KATNIP: variants seen among roughly 807,000 people sequenced by gnomAD.
KATNIP encodes the protein katanin interacting protein.
In KATNIP, 126 loss-of-function variants were observed where a neutral mutation model predicts 174.0. That is an observed-to-expected ratio of 0.72 (90% CI 0.63 to 0.84). The LOEUF (loss-of-function observed/expected upper bound fraction) is 0.84, where lower values mean the gene tolerates loss of function less well. KATNIP is among the 40% of genes least tolerant of loss of function. KATNIP has a pLI of 0.00. For synonymous variants in KATNIP, 810 were observed against 835.7 expected (o/e 0.97, Z 0.53); for missense variants, 1,958 against 2,109.7 (o/e 0.93, Z 1.41).
chr16:27,608,799 G>A (rs569977516), intron 2 of KATNIP, among the ~76,000 whole-genome samples: 4 of 152,242 alleles, frequency 2.6e-5, no homozygotes, highest in East Asian at 1.9e-4. Flanking sequence ...CTCTGCTTTC[G>A]TGTCACATCC....
Position 27,749,986 on chromosome 16 carries a change from C to T in KATNIP, c.3026C>T (p.Ser1009Leu), listed in dbSNP as rs2081438524. The T allele has an allele frequency of 6.2e-7, 1 of 1,614,080 alleles. No homozygotes were observed. The highest frequency in any genetic ancestry group is 1.7e-5 in the Admixed American group (1 of 60,008). Reference protein sequence around the residue: ...FSSKGEPVQISNIKADPPDIN... With the variant: ...FSSKGEPVQILNIKADPPDIN... ...TCCAAGGGTGAACCGGTGCAGATTTCAAACATAAAAGCAGACCCTCCCGAT... is the reference window on the plus strand; with the variant it reads ...TCCAAGGGTGAACCGGTGCAGATTTTAAACATAAAAGCAGACCCTCCCGAT... The change falls in exon 16 of 28, where the codon TCA becomes TTA. Residue 1009 changes from serine (S) to leucine (L), a missense_variant. By Grantham distance (145) the Ser-to-Leu change is moderately radical. Around this residue, in one of 3 missense-constraint regions of KATNIP, gnomAD observed 1,557 missense variants for 1,617.8 expected, o/e 0.96. Coordinates refer to ENST00000261588, the MANE Select transcript of KATNIP (RefSeq NM_015202.5).
chr16:27,701,625 C>T lies in KATNIP; in HGVS notation c.1216C>T (p.Pro406Ser). ...PITTATTTQE[P>S]AGAAGGARAI... ...CACCACGGCGACTACTACTCAGGAGCCGGCCGGGGCAGCAGGAGGAGCCAG... is the reference window on the plus strand; with the variant it reads ...CACCACGGCGACTACTACTCAGGAGTCGGCCGGGGCAGCAGGAGGAGCCAG... Residue 406 changes from proline (P) to serine (S), a missense_variant, in exon 11 of 28, where the codon CCG (proline) becomes TCG (serine). Pro to Ser is a moderately conservative substitution (Grantham distance 74). Transcript: ENST00000261588. 1.2e-6 allele frequency: 2 copies of T among 1,605,542 alleles called. No homozygotes were observed. The highest frequency in any genetic ancestry group is 8.5e-7 in the Non-Finnish European group (1 of 1,176,578).
chr16:27,551,900 A>T (rs1196637336), intron 1 of KATNIP, among the ~76,000 whole-genome samples: 1 of 152,132 alleles, frequency 6.6e-6, no homozygotes, highest in South Asian at 2.1e-4. Flanking sequence ...GCAGTGGCTC[A>T]TAATAATCAT....
At chr16:27,592,933 G>A (rs575679997) in intron 2 of KATNIP, among the ~76,000 whole-genome samples, 1 of 152,274 alleles carries the variant, frequency 6.6e-6, no homozygotes, top group African/African-American at 2.4e-5. Flanking sequence ...AATAAACTTA[G>A]TCTAGTTTAG....
chr16:27,581,662 G>A (rs1032610852), intron 2 of KATNIP, among the ~76,000 whole-genome samples: 8 of 152,170 alleles, frequency 5.3e-5, no homozygotes, highest in Admixed American at 1.3e-4. Context: ...GTTTAGTGGT[G>A]ATGTGTGAGA....
intron 3 of KATNIP, among the ~76,000 whole-genome samples, chr16:27,620,132 G>A (rs538333659): frequency 6.6e-6 from 1 of 152,194 alleles, no homozygotes; most frequent in Non-Finnish European, 1.5e-5. Context: ...AATTTCCAGA[G>A]ACAAGGTTAT....
chr16:27,554,503 T>C, intron 1 of KATNIP, among the ~76,000 whole-genome samples: 1 of 152,102 alleles, frequency 6.6e-6, no homozygotes, highest in East Asian at 1.9e-4. Flanking sequence ...CTCTTCAAAT[T>C]ATGATTAAAA....
intron 8 of KATNIP, 145 bp from the exon 9 acceptor site, chr16:27,698,183 T>G: frequency 8.1e-6 from 7 of 862,170 alleles, no homozygotes; most frequent in East Asian, 2.6e-5. Flanking sequence ...CTGGAACCGT[T>G]TTCTTTGTCT....
intron 3 of KATNIP, among the ~76,000 whole-genome samples, chr16:27,620,527 A>T (rs192677265): frequency 6.6e-6 from 1 of 152,242 alleles, no homozygotes; most frequent in East Asian, 1.9e-4. Flanking sequence ...GTTTTGCTTG[A>T]TGTTGTCATA....
chr16:27,573,357 A>G (rs942871703), intron 1 of KATNIP, among the ~76,000 whole-genome samples: 1 of 152,230 alleles, frequency 6.6e-6, no homozygotes, highest in African/African-American at 2.4e-5. Context: ...ATTTATGCAC[A>G]CCTTCAAATG....
chr16:27,776,836 C>A lies in KATNIP; in HGVS notation c.4450-92C>A. The A allele has an allele frequency of 1.1e-6, 1 of 885,924 alleles. No individual in the cohort carries two copies. The highest frequency in any genetic ancestry group is 1.9e-6 in the Non-Finnish European group (1 of 536,180). The allele number at this position is 885,924 out of a possible 1,614,324, so 54.9% of individuals were successfully genotyped here. A position where few individuals can be genotyped will look rare whatever the true frequency, so the allele number is the denominator to read the frequency against. On this transcript the variant is annotated intron_variant, in intron 24 of 27. Transcript: ENST00000261588. This position sits in a 1 kb window ranked among gnomAD's most constrained non-coding sequence, Gnocchi z 4.7. ...TGGCAGGCGCTGCCTTGGGCACCAC[C>A]GCTCACCCCAGCCCACGCCTGGCAC... is the stretch of plus-strand genomic sequence containing the variant.
At chr16:27,577,568 T>C in intron 2 of KATNIP, among the ~76,000 whole-genome samples, 1 of 152,126 alleles carries the variant, frequency 6.6e-6, no homozygotes, top group South Asian at 2.1e-4. Context: ...GGCAGGTGCC[T>C]GTAATCCCAG....
chr16:27,735,252 C>G (rs906471165), intron 14 of KATNIP, among the ~76,000 whole-genome samples: 1 of 152,188 alleles, frequency 6.6e-6, no homozygotes, highest in Non-Finnish European at 1.5e-5. Context: ...TCAGTTCCCT[C>G]TCCGCCAGAC....
rs187081566 is a variant in KATNIP, at chr16:27,751,460, C to T, written c.3347-259C>T. Among the ~76,000 whole-genome samples, 12 of 152,238 alleles carry T rather than the reference C, an allele frequency of 7.9e-5. No individual in the cohort carries two copies. In the East Asian group the frequency reaches 2.3e-3, roughly 29 times the overall value. On this transcript the variant is annotated intron_variant, in intron 16 of 27. Coordinates refer to ENST00000261588, the MANE Select transcript of KATNIP (RefSeq NM_015202.5). ...AGCGTCTTGCATAGTGCCTTGCCCA[C>T]CCCAAAGAAATGTCACTTGCCTGAT...
intron 3 of KATNIP, among the ~76,000 whole-genome samples, chr16:27,622,765 C>T (rs1359182320): frequency 1.3e-5 from 2 of 152,196 alleles, no homozygotes; most frequent in East Asian, 3.8e-4. Flanking sequence ...CTGGGGGCCT[C>T]ACCTGGACCT....
intron 8 of KATNIP, among the ~76,000 whole-genome samples, chr16:27,692,957 C>T (rs1335785096): frequency 1.3e-5 from 2 of 152,156 alleles, no homozygotes; most frequent in South Asian, 4.1e-4. Context: ...TGTGTCTATA[C>T]TTTGGGGTGT....
chr16:27,699,394 C>T, intron 9 of KATNIP, 140 bp from the exon 10 acceptor site: 1 of 1,435,124 alleles, frequency 7.0e-7, no homozygotes, highest in Non-Finnish European at 9.3e-7. Context: ...TGTTCCCAGA[C>T]CTCTGACCTT....
intron 1 of KATNIP, among the ~76,000 whole-genome samples, chr16:27,555,143 A>T (rs1004664591): frequency 1.3e-5 from 2 of 152,158 alleles, no homozygotes; most frequent in Admixed American, 1.3e-4. Flanking sequence ...TTATTGGATA[A>T]AGTGAAGCAT....
intron 6 of KATNIP, among the ~76,000 whole-genome samples, chr16:27,663,052 C>G (rs2077572668): frequency 6.6e-6 from 1 of 151,050 alleles, no homozygotes; most frequent in South Asian, 2.1e-4. Flanking sequence ...TAATTCCTCT[C>G]TTAAACTTTT....
Sources: allele counts gnomAD v4.1 joint callset (sites outside exome capture counted in the v4.1 genomes callset), GRCh38; gene constraint gnomAD v4.1.1; regional missense constraint gnomAD v4.1.1; non-coding constraint Gnocchi (gnomAD v3.1); transcripts MANE v1.5; gene names NCBI Gene and HGNC (gene_info 2026-07-23, HGNC 2026-07-21).